BRSK2: variants seen among roughly 807,000 people sequenced by gnomAD.
BRSK2 encodes the protein BR serine/threonine kinase 2, also known as serine/threonine-protein kinase BRSK2.
Under a neutral mutation model 83.3 loss-of-function variants are expected in BRSK2, and 19 were observed. That is an observed-to-expected ratio of 0.23 (90% CI 0.16 to 0.33). BRSK2 has a LOEUF of 0.33. Ranked by LOEUF, BRSK2 falls within the 10% of genes least tolerant of loss-of-function variation. BRSK2 has a pLI of 1.00. For synonymous variants in BRSK2, 519 were observed against 435.4 expected (o/e 1.19, Z -2.39); for missense variants, 798 against 1,042.3 (o/e 0.77, Z 3.23).
At chr11:1,401,125 C>T (rs1303623225) in intron 1 of BRSK2, among the ~76,000 whole-genome samples, 2 of 152,136 alleles carry the variant, frequency 1.3e-5, no homozygotes, top group Non-Finnish European at 2.9e-5. Context: ...TGGAGCCGGT[C>T]ACAGAGCTGC....
At chr11:1,444,627 G>A (rs1039524143) in intron 8 of BRSK2, among the ~76,000 whole-genome samples, 1 of 152,058 alleles carries the variant, frequency 6.6e-6, no homozygotes, top group African/African-American at 2.4e-5. Flanking sequence ...GGCACCTGGG[G>A]CTGCCCTGGC....
chr11:1,416,215 C>T (rs925212540), intron 1 of BRSK2, among the ~76,000 whole-genome samples: 4 of 152,306 alleles, frequency 2.6e-5, no homozygotes, highest in African/African-American at 9.6e-5. Flanking sequence ...TTGATTTTGT[C>T]AGTAACTCTT....
intron 1 of BRSK2, among the ~76,000 whole-genome samples, chr11:1,428,959 G>A (rs1417421641): frequency 6.6e-6 from 1 of 151,460 alleles, no homozygotes; most frequent in African/African-American, 2.4e-5. Context: ...GCACGGGTGT[G>A]TGCCCTTGGC....
intron 12 of BRSK2, among the ~76,000 whole-genome samples, chr11:1,449,049 G>A (rs1248099751): frequency 6.6e-6 from 1 of 152,250 alleles, no homozygotes; most frequent in Non-Finnish European, 1.5e-5. Flanking sequence ...GCCACTGTCT[G>A]GGCACGTGGG....
At chr11:1,396,599 C>T (rs766048879) in intron 1 of BRSK2, among the ~76,000 whole-genome samples, 6 of 152,202 alleles carry the variant, frequency 3.9e-5, no homozygotes, top group East Asian at 3.9e-4. Flanking sequence ...CAGGAGGAGC[C>T]GTCGGGAAGG....
chr11:1,456,752 G>A (rs368278802), intron 18 of BRSK2, 65 bp downstream of exon 18: 27 of 1,502,976 alleles, frequency 1.8e-5, no homozygotes, highest in Admixed American at 5.9e-5. Context: ...CTGGTGCTGC[G>A]CGGACGGGAG....
In BRSK2 at chr11:1,424,123, T is replaced by C. The variant is rs573164715; in HGVS notation, c.92-11917T>C. On this transcript the variant is annotated intron_variant, in intron 1 of 19. Transcript: ENST00000528841. ...ACACACATCTTTTGGGGGTCACCAT[T>C]CCACCCCCACATCCTCCAGCTGTGA... Among the ~76,000 whole-genome samples the C allele has an allele frequency of 2.2e-4, 34 of 152,272 alleles. 1 individual carries two copies. Among genetic ancestry groups the C allele is most frequent in the African/African-American group, 7.5e-4 (31 of 41,558 alleles).
intron 2 of BRSK2, among the ~76,000 whole-genome samples, chr11:1,437,620 G>A (rs1239083844): frequency 1.3e-5 from 2 of 152,116 alleles, no homozygotes; most frequent in Non-Finnish European, 2.9e-5. Context: ...CCCTGCCCAC[G>A]GCCTGCACAC....
chr11:1,390,324 C>T lies in BRSK2; in HGVS notation c.40C>T (p.Gln14Ter). 9.5e-7 allele frequency: 1 copy of T among 1,051,890 alleles called. No individual in the cohort carries two copies. 65.2% of individuals were successfully genotyped at this position (1,051,890 alleles called of 1,614,324 possible). A position where few individuals can be genotyped will look rare whatever the true frequency, so the allele number is the denominator to read the frequency against. The change falls in exon 1 of 20, where the codon CAG (glutamine) becomes TAG (stop). Residue 14 changes from glutamine (Q) to a stop codon, truncating the protein, a stop_gained. Transcript: ENST00000528841. LOFTEE classifies it high-confidence loss of function. This position sits in a 1 kb window ranked among gnomAD's most constrained non-coding sequence, Gnocchi z 6.8. Reference protein sequence around the residue: ...TGKDGGAQHAQYVGPYRLEKT... With the variant: ...TGKDGGAQHA The stretch of plus-strand genomic sequence containing the variant: ...GAAGGACGGCGGCGCGCAGCACGCG[C>T]AGTATGTTGGGCCCTACCGGCTGGA...
intron 1 of BRSK2, 76 bp from the exon 2 acceptor site, chr11:1,435,964 C>T (rs1308171054): frequency 2.6e-6 from 3 of 1,149,796 alleles, no homozygotes; most frequent in Non-Finnish European, 3.7e-6. Flanking sequence ...AGGAGGCCCC[C>T]AACCTGCACT....
At chr11:1,449,728 T>A in intron 12 of BRSK2, 48 bp from the exon 13 acceptor site, 12 of 1,531,906 alleles carry the variant, frequency 7.8e-6, no homozygotes, top group Non-Finnish European at 1.1e-5. Context: ...CACCTGCTGC[T>A]CCACTGCCCC....
At chr11:1,421,242 G>T (rs1263238136) in intron 1 of BRSK2, among the ~76,000 whole-genome samples, 1 of 152,186 alleles carries the variant, frequency 6.6e-6, no homozygotes, top group Non-Finnish European at 1.5e-5. Context: ...GACCCCTGAG[G>T]CCAGGCACGT....
At chr11:1,417,132 C>T (rs575763788) in intron 1 of BRSK2, among the ~76,000 whole-genome samples, 1 of 152,228 alleles carries the variant, frequency 6.6e-6, no homozygotes, top group East Asian at 1.9e-4. Context: ...GCACTCCACA[C>T]TGGGGGATAA....
chr11:1,405,016 T>TCTAGGGGGTTGTAGGGG (rs1846747888), intron 1 of BRSK2, among the ~76,000 whole-genome samples: 1 of 43,542 alleles, frequency 2.3e-5, no homozygotes, highest in Non-Finnish European at 4.4e-5. Flanking sequence ...GGGGTGGGGG[T>TCTAGGGGGTTGTAGGGG]GGCTCTCTGA....
chr11:1,403,656 C>T (rs1846641190), intron 1 of BRSK2, among the ~76,000 whole-genome samples: 1 of 152,198 alleles, frequency 6.6e-6, no homozygotes, highest in Non-Finnish European at 1.5e-5. Context: ...GTCTGACAGC[C>T]CCCTTAGGTC....
intron 3 of BRSK2, among the ~76,000 whole-genome samples, chr11:1,440,430 C>G (rs1851053724): frequency 6.6e-6 from 1 of 152,106 alleles, no homozygotes; most frequent in Non-Finnish European, 1.5e-5. Flanking sequence ...GGGCAGAGTC[C>G]CGAGGCTACC....
intron 1 of BRSK2, among the ~76,000 whole-genome samples, chr11:1,414,802 A>G (rs910012910): frequency 6.6e-6 from 1 of 152,150 alleles, no homozygotes. Flanking sequence ...TGTCACAGAC[A>G]CTGGTCCCAT....
chr11:1,394,185 CTGGAGATGGGCCA>C (rs1456310573), intron 1 of BRSK2, among the ~76,000 whole-genome samples: 1 of 101,504 alleles, frequency 9.9e-6, no homozygotes, highest in Non-Finnish European at 2.0e-5. Context: ...AGATGGGCCC[CTGGAGATGGGCCA>C]TGGAGATGGG....
At position 1,451,399 on chromosome 11, in the gene BRSK2, G is replaced by A. The variant is rs751150163; in HGVS notation, c.1524G>A (p.Leu508=). Residue 508 remains leucine, a synonymous_variant, in exon 15 of 20, where the codon CTG becomes CTA. Transcript: ENST00000528841. ...CGACGCCGGAGGAGATGTCCAACCT[G>A]ACACCAGAGTCGTCCCCAGAGTAAG... ...QVPTPEEMSN[L]TPESSPELAK... is the part of the protein sequence containing the mutation. 20 of 1,612,842 alleles carry A rather than the reference G, an allele frequency of 1.2e-5. No individual in the cohort carries two copies. Among genetic ancestry groups the A allele is most frequent in the Non-Finnish European group, 1.7e-5 (20 of 1,179,914 alleles).
Sources: gnomAD v4.1 joint callset for allele counts (sites outside exome capture counted in the v4.1 genomes callset) on GRCh38, gnomAD v4.1.1 for gene constraint, Gnocchi (gnomAD v3.1) non-coding constraint, MANE v1.5 for transcripts, NCBI Gene and HGNC (gene_info 2026-07-23, HGNC 2026-07-21) for gene names.